SRRM3: variants seen among roughly 807,000 people sequenced by gnomAD.
The protein encoded by SRRM3 is serine/arginine repetitive matrix protein 3.
A neutral mutation model predicts 66.2 loss-of-function variants in SRRM3; 27 were observed. That is an observed-to-expected ratio of 0.41 (90% CI 0.30 to 0.56). The LOEUF (loss-of-function observed/expected upper bound fraction) is 0.56. SRRM3 is among the 20% of genes least tolerant of loss of function. SRRM3 has a pLI of 0.32. For missense variants in SRRM3, 918 were observed against 991.9 expected, an observed-to-expected ratio of 0.93 and a Z score of 1.00; for synonymous variants, 391 against 414.9, an observed-to-expected ratio of 0.94 and a Z score of 0.70.
intron 1 of SRRM3, among the ~76,000 whole-genome samples, chr7:76,212,464 CTTTTTTT>C (rs1173761653): frequency 3.1e-5 from 3 of 98,082 alleles, no homozygotes; most frequent in Non-Finnish European, 6.0e-5. Context: ...GCAAGGTCTG[CTTTTTTT>C]TTTTTTTTTT....
At chr7:76,246,599 AGTT>A (rs1801449266) in intron 2 of SRRM3, among the ~76,000 whole-genome samples, 1 of 151,348 alleles carries the variant, frequency 6.6e-6, no homozygotes. Context: ...AGAAAAGAAA[AGTT>A]GTATAGGTGT....
rs1554608297 is a variant in SRRM3 at position 76,259,970 on chromosome 7, G to A, written c.400G>A (p.Asp134Asn). 1.2e-6 allele frequency: 2 copies of A among 1,600,818 alleles called. No individual in the cohort carries two copies. The highest frequency in any genetic ancestry group is 1.7e-6 in the Non-Finnish European group (2 of 1,179,048). The change falls in exon 4 of 15, where the codon GAT becomes AAT. Residue 134 changes from aspartate to asparagine, a missense_variant. Transcript: ENST00000611745. Reference protein sequence around the residue: ...EPGLEYAPFDDDDGPVDCDCP... With the variant: ...EPGLEYAPFDNDDGPVDCDCP... ...GGGCCTGGAGTACGCGCCCTTTGAC[G>A]ATGACGACGGCCCAGTGGACTGTGA...
At chr7:76,245,813 G>A (rs1212422060) in intron 2 of SRRM3, among the ~76,000 whole-genome samples, 3 of 152,010 alleles carry the variant, frequency 2.0e-5, no homozygotes, top group East Asian at 1.9e-4. Context: ...CTCCTGCCTC[G>A]GCCTCGTGGG....
chr7:76,223,363 G>A (rs1800772211), intron 1 of SRRM3, among the ~76,000 whole-genome samples: 1 of 152,170 alleles, frequency 6.6e-6, no homozygotes. Context: ...CCTTACACAG[G>A]GAAGGGAAGG....
intron 1 of SRRM3, among the ~76,000 whole-genome samples, chr7:76,225,240 A>G (rs1554603615): frequency 6.6e-6 from 1 of 151,834 alleles, no homozygotes; most frequent in Non-Finnish European, 1.5e-5. Flanking sequence ...CTGGTCTAAC[A>G]CTCTTTTTCC....
chr7:76,246,180 G>A (rs2117022266), intron 2 of SRRM3, among the ~76,000 whole-genome samples: 1 of 152,330 alleles, frequency 6.6e-6, no homozygotes, highest in Non-Finnish European at 1.5e-5. Flanking sequence ...TGTGCAAAGT[G>A]CTATAATGAC....
intron 6 of SRRM3, 53 bp from the exon 7 acceptor site, chr7:76,261,299 A>ACCCCCCCC: frequency 5.4e-6 from 1 of 186,732 alleles, no homozygotes. Flanking sequence ...AGCCATTTCC[A>ACCCCCCCC]GCCCCCCACC....
intron 1 of SRRM3, among the ~76,000 whole-genome samples, chr7:76,207,783 G>A (rs1313224886): frequency 6.6e-6 from 1 of 152,052 alleles, no homozygotes; most frequent in African/African-American, 2.4e-5. Flanking sequence ...AGGCTGAGGT[G>A]GGAGGATCGC....
intron 1 of SRRM3, among the ~76,000 whole-genome samples, chr7:76,223,244 T>C (rs148825483): frequency 4.9e-4 from 74 of 152,194 alleles, no homozygotes; most frequent in Middle Eastern, 3.4e-3. Flanking sequence ...GTTGATGGGG[T>C]GTCTCTTGGT....
At chr7:76,224,823 A>G (rs1442145829) in intron 1 of SRRM3, among the ~76,000 whole-genome samples, 1 of 152,186 alleles carries the variant, frequency 6.6e-6, no homozygotes, top group Non-Finnish European at 1.5e-5. Context: ...ATTAGTTAAC[A>G]AAAGCTTGAG....
chr7:76,234,531 A>G (rs1801093115), intron 1 of SRRM3, among the ~76,000 whole-genome samples: 1 of 152,096 alleles, frequency 6.6e-6, no homozygotes, highest in South Asian at 2.1e-4. Context: ...CCCTCTCTGT[A>G]GGGCTGCCCT....
intron 1 of SRRM3, among the ~76,000 whole-genome samples, chr7:76,206,995 C>T (rs1800316207): frequency 6.6e-6 from 1 of 152,180 alleles, no homozygotes; most frequent in Non-Finnish European, 1.5e-5. Flanking sequence ...CCCTCCTAGT[C>T]CAGCACTCCC....
At position 76,204,467 on chromosome 7, in the gene SRRM3, T is replaced by G. The variant is rs1800246287; in HGVS notation, c.-40+2400T>G. Among the ~76,000 whole-genome samples, 8 of 152,254 alleles carry G rather than the reference T, an allele frequency of 5.3e-5. 1 individual carries two copies. In the South Asian group the frequency reaches 1.7e-3, roughly 32 times the overall value. ...AGGAGAAAAACAAGGCCTGAAGGTG[T>G]GATGGGACTTTCCCAAAGTCACAGA... On this transcript the variant is annotated intron_variant, in intron 1 of 14. Coordinates refer to ENST00000611745, the MANE Select transcript of SRRM3 (RefSeq NM_001110199.3).
chr7:76,209,781 G>GT (rs1333919206), intron 1 of SRRM3, among the ~76,000 whole-genome samples: 1 of 151,966 alleles, frequency 6.6e-6, no homozygotes, highest in Non-Finnish European at 1.5e-5. Flanking sequence ...ATTTTTTAAT[G>GT]TTTTTTTAGA....
At chr7:76,202,528 C>A (rs752168617) in intron 1 of SRRM3, among the ~76,000 whole-genome samples, 34 of 152,126 alleles carry the variant, frequency 2.2e-4, no homozygotes, top group Non-Finnish European at 4.4e-4. Context: ...TGGCCCCTTT[C>A]CCGGCTACCC....
At chr7:76,211,794 TTTA>T (rs1244301303) in intron 1 of SRRM3, among the ~76,000 whole-genome samples, 2 of 147,858 alleles carry the variant, frequency 1.4e-5, no homozygotes, top group South Asian at 4.3e-4. Context: ...GGGCCTGAAT[TTTA>T]TTATTATTAC....
At chr7:76,212,947 T>C (rs1800470187) in intron 1 of SRRM3, among the ~76,000 whole-genome samples, 1 of 150,826 alleles carries the variant, frequency 6.6e-6, no homozygotes, top group East Asian at 2.0e-4. Flanking sequence ...TGTTCCAATC[T>C]GGGTGCCCTC....
intron 1 of SRRM3, among the ~76,000 whole-genome samples, chr7:76,225,572 G>T (rs911292880): frequency 9.9e-5 from 15 of 151,946 alleles, no homozygotes; most frequent in Admixed American, 4.6e-4. Context: ...GGTGCTGGAG[G>T]ACTGCGACGC....
At chr7:76,241,785 T>A (rs532988655) in intron 2 of SRRM3, among the ~76,000 whole-genome samples, 4 of 152,322 alleles carry the variant, frequency 2.6e-5, no homozygotes, top group African/African-American at 9.6e-5. Flanking sequence ...ATTACAGGCA[T>A]GAGCCACTGT....
Sources: allele counts gnomAD v4.1 joint callset (sites outside exome capture counted in the v4.1 genomes callset), GRCh38; gene constraint gnomAD v4.1.1; transcripts MANE v1.5; gene names NCBI Gene and HGNC (gene_info 2026-07-23, HGNC 2026-07-21).